The following BMPR1A variants were observed in gnomAD, a reference collection of about 807,000 sequenced individuals.
The protein encoded by BMPR1A is bone morphogenetic protein receptor type-1A.
A neutral mutation model predicts 66.0 loss-of-function variants in BMPR1A; 7 were observed. The ratio of observed to expected loss-of-function variants is 0.11; its 90% CI spans 0.06 to 0.20. BMPR1A has a LOEUF of 0.20. BMPR1A is among the 10% of genes least tolerant of loss of function. BMPR1A has a pLI of 1.00. For missense variants in BMPR1A, 408 were observed against 669.1 expected (o/e 0.61, Z 4.31); for synonymous variants, 200 against 229.7 (o/e 0.87, Z 1.17).
At chr10:86,867,790 A>G (rs1211243493) in intron 2 of BMPR1A, among the ~76,000 whole-genome samples, 3 of 152,200 alleles carry the variant, frequency 2.0e-5, no homozygotes, top group Admixed American at 6.5e-5. Flanking sequence ...AGCATCAACT[A>G]TATATAATGC....
At chr10:86,909,609 A>G (rs1349543467) in intron 7 of BMPR1A, among the ~76,000 whole-genome samples, 1 of 150,140 alleles carries the variant, frequency 6.7e-6, no homozygotes. Flanking sequence ...GAAAAAAAAG[A>G]AAAAAGAATT....
intron 2 of BMPR1A, among the ~76,000 whole-genome samples, chr10:86,842,117 C>T (rs187633031): frequency 5.3e-5 from 8 of 152,212 alleles, no homozygotes; most frequent in African/African-American, 1.4e-4. Context: ...CCTGGGCTTG[C>T]CATTGGCATT....
chr10:86,795,295 A>T (rs1036090080), intron 1 of BMPR1A, among the ~76,000 whole-genome samples: 10 of 152,142 alleles, frequency 6.6e-5, no homozygotes, highest in Non-Finnish European at 1.5e-4. Context: ...CTACATTTAA[A>T]ATCTTGGTTA....
intron 1 of BMPR1A, among the ~76,000 whole-genome samples, chr10:86,804,835 T>C (rs577242711): frequency 1.3e-5 from 2 of 150,864 alleles, no homozygotes; most frequent in Non-Finnish European, 3.0e-5. Context: ...TTATTTTATT[T>C]GTTTGTGTGG....
rs1243072177 is a variant in BMPR1A, at chr10:86,912,393, A to T, written c.675+9A>T. ...CTGGACTACCTTTATTGGTAAGTTA[A>T]ACGTTCCTATAGACATGAATGGTGT... On this transcript the variant is annotated intron_variant, in intron 8 of 12. Coordinates refer to ENST00000372037, the MANE Select transcript of BMPR1A (RefSeq NM_004329.3). 1 of 1,613,958 alleles carries T rather than the reference A, an allele frequency of 6.2e-7. No homozygotes were observed. Among genetic ancestry groups the T allele is most frequent in the Non-Finnish European group, 8.5e-7 (1 of 1,179,906 alleles).
At chr10:86,877,847 C>T (rs1842938880) in intron 3 of BMPR1A, among the ~76,000 whole-genome samples, 1 of 152,076 alleles carries the variant, frequency 6.6e-6, no homozygotes, top group African/African-American at 2.4e-5. Flanking sequence ...GTTTAGATCA[C>T]ACGTAGGCAA....
intron 1 of BMPR1A, among the ~76,000 whole-genome samples, chr10:86,814,483 C>G (rs1336251467): frequency 6.6e-6 from 1 of 152,012 alleles, no homozygotes; most frequent in African/African-American, 2.4e-5. Context: ...TTCAATTTCT[C>G]GAAGGCATTA....
At chr10:86,761,862 G>C (rs952910987) in intron 1 of BMPR1A, among the ~76,000 whole-genome samples, 29 of 152,224 alleles carry the variant, frequency 1.9e-4, no homozygotes, top group African/African-American at 6.5e-4. Context: ...GAGCTGGTTT[G>C]TAGAAGAAAA....
At chr10:86,911,564 A>G (rs1281615661) in intron 7 of BMPR1A, among the ~76,000 whole-genome samples, 2 of 152,070 alleles carry the variant, frequency 1.3e-5, no homozygotes, top group African/African-American at 4.8e-5. Context: ...TGGGCAACAT[A>G]GCAAAACCCC....
intron 7 of BMPR1A, among the ~76,000 whole-genome samples, chr10:86,911,275 A>G (rs1013282940): frequency 3.9e-5 from 6 of 152,142 alleles, no homozygotes; most frequent in African/African-American, 1.4e-4. Flanking sequence ...ATTTGTCTAC[A>G]CTAAAATTTA....
At chr10:86,839,252 G>A (rs1344453577) in intron 2 of BMPR1A, among the ~76,000 whole-genome samples, 1 of 152,080 alleles carries the variant, frequency 6.6e-6, no homozygotes, top group Non-Finnish European at 1.5e-5. Flanking sequence ...TAGAAGATAA[G>A]CATTAAATGG....
At chr10:86,809,748 C>G in intron 1 of BMPR1A, among the ~76,000 whole-genome samples, 1 of 151,906 alleles carries the variant, frequency 6.6e-6, no homozygotes, top group East Asian at 1.9e-4. Flanking sequence ...TACCCGCAAA[C>G]AGAAACTCTT....
intron 1 of BMPR1A, among the ~76,000 whole-genome samples, chr10:86,761,109 A>G (rs1841049382): frequency 3.9e-5 from 6 of 152,226 alleles, no homozygotes; most frequent in Admixed American, 3.9e-4. Context: ...TGAAAAGAAC[A>G]CTAGTTAGGG....
At chr10:86,872,963 T>A (rs1842870274) in intron 2 of BMPR1A, among the ~76,000 whole-genome samples, 1 of 152,106 alleles carries the variant, frequency 6.6e-6, no homozygotes, top group South Asian at 2.1e-4. Context: ...AGAGGTTAAG[T>A]TAAAGGCAGA....
intron 2 of BMPR1A, among the ~76,000 whole-genome samples, chr10:86,844,512 T>C (rs1423125957): frequency 6.6e-6 from 1 of 152,232 alleles, no homozygotes; most frequent in Non-Finnish European, 1.5e-5. Context: ...AGAGAAATAT[T>C]GTACAGTAAG....
chr10:86,893,309 A>G (rs1843179631), intron 5 of BMPR1A, among the ~76,000 whole-genome samples: 1 of 152,210 alleles, frequency 6.6e-6, no homozygotes, highest in African/African-American at 2.4e-5. Flanking sequence ...CAAAGGAATC[A>G]GGATGGTAAT....
At chr10:86,788,508 G>A (rs1312944948) in intron 1 of BMPR1A, among the ~76,000 whole-genome samples, 1 of 152,206 alleles carries the variant, frequency 6.6e-6, no homozygotes, top group Non-Finnish European at 1.5e-5. Flanking sequence ...AGGTGCACAA[G>A]CACATGGATA....
In BMPR1A at chr10:86,917,183, A is replaced by G. The variant is rs762926637; in HGVS notation, c.725A>G (p.Lys242Arg). ...ATTCAGATGGTCCGGCAAGTTGGTA[A>G]AGGCCGATATGGAGAAGTATGGATG... ...KQIQMVRQVG[K>R]GRYGEVWMGK... Residue 242 changes from lysine to arginine, a missense_variant, in exon 9 of 13, where the codon AAA (lysine) becomes AGA (arginine). This residue lies in a region of BMPR1A where 174 missense variants were observed against 265.1 expected (regional missense o/e 0.66). Coordinates refer to ENST00000372037, the MANE Select transcript of BMPR1A (RefSeq NM_004329.3). 8 of 1,614,122 alleles carry G rather than the reference A, an allele frequency of 5.0e-6. No individual in the cohort carries two copies. The South Asian group carries it at 8.8e-5, about 18-fold the overall frequency.
intron 2 of BMPR1A, among the ~76,000 whole-genome samples, chr10:86,868,778 G>GTTTTTTTTT (rs55872033): frequency 4.3e-5 from 6 of 141,044 alleles, no homozygotes; most frequent in East Asian, 2.0e-4. Context: ...CTTTTCCTGT[G>GTTTTTTTTT]TTTTTTTTTT....
Sources: gnomAD v4.1 joint callset for allele counts (sites outside exome capture counted in the v4.1 genomes callset) on GRCh38, gnomAD v4.1.1 for gene constraint, gnomAD v4.1.1 regional missense constraint, MANE v1.5 for transcripts, NCBI Gene and HGNC (gene_info 2026-07-23, HGNC 2026-07-21) for gene names.